The following BTG3 variants were observed in gnomAD, a reference collection of about 807,000 sequenced individuals.
BTG3 encodes BTG anti-proliferation factor 3, also known as protein BTG3.
Under a neutral mutation model 25.8 loss-of-function variants are expected in BTG3, and 4 were observed. The observed-to-expected ratio is 0.16, with a 90% CI of 0.08 to 0.36. The LOEUF (loss-of-function observed/expected upper bound fraction) is 0.36, where lower values mean the gene tolerates loss of function less well. Among genes scored for constraint, BTG3 ranks in the 10% least tolerant of loss-of-function variants. BTG3 has a pLI of 1.00. For missense variants in BTG3, 201 were observed against 304.9 expected (o/e 0.66, Z 2.54); for synonymous variants, 107 against 99.9 (o/e 1.07, Z -0.42).
rs1208418933 is a variant in BTG3 at position 17,609,161 on chromosome 21, A to G, written c.-8-9T>C. 1 of 1,600,120 alleles carries G rather than the reference A, an allele frequency of 6.2e-7. No homozygotes were observed. The highest frequency in any genetic ancestry group is 1.8e-5 in the Admixed American group (1 of 56,364). ...ATTCTTCATTTTTTTCCCTGCAAAG[A>G]TAAAACATGTTTTCTCAGAAAAACA... On this transcript the variant is annotated splice_polypyrimidine_tract_variant and intron_variant, in intron 1 of 4. Coordinates refer to ENST00000348354, the MANE Select transcript of BTG3 (RefSeq NM_006806.5).
At chr21:17,609,726 G>A (rs1200970409) in intron 1 of BTG3, among the ~76,000 whole-genome samples, 4 of 152,170 alleles carry the variant, frequency 2.6e-5, no homozygotes, top group African/African-American at 9.7e-5. Context: ...AATGCCCATA[G>A]CAGTATTCAT....
rs2123418512 is a variant in BTG3 at position 17,593,944 on chromosome 21, GATT to G, written c.*146_*148del. ...TAAAGTGCATATATTTTTTAAGAAA[GATT>G]ATTCTCAATAACTTCTATAAAAATA... is the stretch of plus-strand genomic sequence containing the variant. On this transcript the variant is annotated 3_prime_UTR_variant, in exon 5 of 5. Transcript: ENST00000348354. 2 of 1,000,738 alleles carry G rather than the reference GATT, an allele frequency of 2.0e-6. No homozygotes were observed. The highest frequency in any genetic ancestry group is 4.0e-5 in the South Asian group (2 of 49,684). The allele number at this position is 1,000,738 out of a possible 1,614,324, so 62.0% of individuals were successfully genotyped here.
chr21:17,598,847 AC>A (rs779171147), intron 3 of BTG3, 23 bp from the exon 4 acceptor site: 2 of 1,591,746 alleles, frequency 1.3e-6, no homozygotes, highest in East Asian at 4.5e-5. Flanking sequence ...TTAAAAACTT[AC>A]AAATCTTGAA....
At position 17,593,897 on chromosome 21, in the gene BTG3, T is replaced by A. The variant is rs1313843917; in HGVS notation, c.*196A>T. ...AGGCACTTGACTAACTTTAATAAAATTTCTCAAACTATATCAATATCTAAA... is the reference window on the plus strand; with the variant it reads ...AGGCACTTGACTAACTTTAATAAAAATTCTCAAACTATATCAATATCTAAA... On this transcript the variant is annotated 3_prime_UTR_variant, in exon 5 of 5. Coordinates refer to ENST00000348354, the MANE Select transcript of BTG3 (RefSeq NM_006806.5). 8 of 688,768 alleles carry A rather than the reference T, an allele frequency of 1.2e-5. No individual in the cohort carries two copies. The highest frequency in any genetic ancestry group is 1.8e-5 in the Non-Finnish European group (8 of 448,314). The allele number at this position is 688,768 out of a possible 1,614,324, so 42.7% of individuals were successfully genotyped here.
chr21:17,604,766 C>T, intron 3 of BTG3, 94 bp downstream of exon 3: 1 of 1,407,826 alleles, frequency 7.1e-7, no homozygotes, highest in East Asian at 2.5e-5. Context: ...CAGCTCCTGG[C>T]CATAAAGATA....
chr21:17,599,475 ATTT>A (rs11447568), intron 3 of BTG3, among the ~76,000 whole-genome samples: 3 of 117,226 alleles, frequency 2.6e-5, no homozygotes, highest in Admixed American at 1.8e-4. Context: ...CCACTGGCTG[ATTT>A]TTTTTTTTTT....
At chr21:17,606,235 CAG>C (rs1349791554) in intron 2 of BTG3, among the ~76,000 whole-genome samples, 2 of 152,012 alleles carry the variant, frequency 1.3e-5, no homozygotes, top group Non-Finnish European at 2.9e-5. Flanking sequence ...AAAAAGGAGG[CAG>C]AGAGAGTTTG....
At chr21:17,597,542 G>C (rs1413232697) in intron 4 of BTG3, among the ~76,000 whole-genome samples, 1 of 151,914 alleles carries the variant, frequency 6.6e-6, no homozygotes, top group Non-Finnish European at 1.5e-5. Flanking sequence ...GAAATGCATA[G>C]GGACTGGTGG....
At position 17,593,713 on chromosome 21, in the gene BTG3, C is replaced by A; in HGVS notation, c.*380G>T. 1 of 170,288 alleles carries A rather than the reference C, an allele frequency of 5.9e-6. No homozygotes were observed. The highest frequency in any genetic ancestry group is 1.2e-5 in the Non-Finnish European group (1 of 80,732). 10.5% of individuals were successfully genotyped at this position (170,288 alleles called of 1,614,324 possible). A position where few individuals can be genotyped will look rare whatever the true frequency, so the allele number is the denominator to read the frequency against. On this transcript the variant is annotated 3_prime_UTR_variant, in exon 5 of 5. Coordinates refer to ENST00000348354, the MANE Select transcript of BTG3 (RefSeq NM_006806.5). ...GATTTCACACAATTCTCTTAAACAA[C>A]GACATAAAATAGATTTCCTTGTATA...
At chr21:17,602,049 T>C (rs2061581222) in intron 3 of BTG3, among the ~76,000 whole-genome samples, 1 of 152,152 alleles carries the variant, frequency 6.6e-6, no homozygotes, top group African/African-American at 2.4e-5. Flanking sequence ...TTTTAAACTT[T>C]CCATTTTTCA....
chr21:17,605,461 T>C (rs1046037005), intron 2 of BTG3, among the ~76,000 whole-genome samples: 3 of 152,216 alleles, frequency 2.0e-5, no homozygotes, highest in Non-Finnish European at 4.4e-5. Flanking sequence ...GATAGTAAAG[T>C]GGTAAGAGGA....
At chr21:17,607,049 A>T (rs1405338154) in intron 2 of BTG3, among the ~76,000 whole-genome samples, 1 of 152,218 alleles carries the variant, frequency 6.6e-6, no homozygotes, top group Non-Finnish European at 1.5e-5. Context: ...AGTCTCTACT[A>T]ACTTGGTTAA....
In BTG3 at chr21:17,598,804, G is replaced by A; in HGVS notation, c.332C>T (p.Ala111Val). The A allele has an allele frequency of 1.9e-6, 3 of 1,613,492 alleles. No homozygotes were observed. The highest frequency in any genetic ancestry group is 1.7e-6 in the Non-Finnish European group (2 of 1,179,570). The change falls in exon 4 of 5, where the codon GCA (alanine) becomes GTA (valine). Residue 111 changes from alanine (A) to valine (V), a missense_variant. Physicochemically the swap from Ala to Val is moderately conservative, Grantham distance 64 (BLOSUM62 0). Coordinates refer to ENST00000348354, the MANE Select transcript of BTG3 (RefSeq NM_006806.5). ...VCCRYGEKNN[A>V]FIVASFENKD... Reference sequence around the variant, plus strand: ...ATTTTCAAAGCTGGCAACAATGAATGCATTGTTTTTCTCTCCATACCTAAG... The same window carrying A: ...ATTTTCAAAGCTGGCAACAATGAATACATTGTTTTTCTCTCCATACCTAAG...
At chr21:17,605,763 T>C (rs2061631650) in intron 2 of BTG3, among the ~76,000 whole-genome samples, 1 of 152,234 alleles carries the variant, frequency 6.6e-6, no homozygotes, top group African/African-American at 2.4e-5. Context: ...ATAAGCATTC[T>C]GATTAAGTAG....
At chr21:17,598,951 AC>A (rs2061537729) in intron 3 of BTG3, 127 bp from the exon 4 acceptor site, 1 of 718,490 alleles carries the variant, frequency 1.4e-6, no homozygotes, top group Non-Finnish European at 2.3e-6. Flanking sequence ...ACAGAACTTG[AC>A]CCTACACATT....
chr21:17,598,556 A>G, intron 4 of BTG3, 61 bp downstream of exon 4: 1 of 1,417,014 alleles, frequency 7.1e-7, no homozygotes, highest in South Asian at 1.2e-5. Context: ...AAGTAGGACT[A>G]CCTGAAAGGT....
At chr21:17,608,808 T>TA in intron 2 of BTG3, 164 bp downstream of exon 2, 1 of 650,132 alleles carries the variant, frequency 1.5e-6, no homozygotes. Flanking sequence ...CGCCAACAAA[T>TA]ACTTGTTTTA....
chr21:17,609,284 T>C, intron 1 of BTG3, 132 bp from the exon 2 acceptor site: 1 of 859,638 alleles, frequency 1.2e-6, no homozygotes, highest in Non-Finnish European at 1.7e-6. Context: ...CTTTGGCTTA[T>C]ATCTGAAGTA....
chr21:17,608,159 AGTTT>A (rs2061670000), intron 2 of BTG3, among the ~76,000 whole-genome samples: 1 of 152,164 alleles, frequency 6.6e-6, no homozygotes, highest in Non-Finnish European at 1.5e-5. Context: ...TGAGGCCAGG[AGTTT>A]GAAACTCACC....
Sources: allele counts gnomAD v4.1 joint callset (sites outside exome capture counted in the v4.1 genomes callset), GRCh38; gene constraint gnomAD v4.1.1; transcripts MANE v1.5; gene names NCBI Gene and HGNC (gene_info 2026-07-23, HGNC 2026-07-21).